The following EDIL3 variants were observed in gnomAD, a reference collection of about 807,000 sequenced individuals.
EDIL3 encodes EGF like and discoidin domains 3, also known as EGF-like repeat and discoidin I-like domain-containing protein 3.
A neutral mutation model predicts 67.4 loss-of-function variants in EDIL3; 37 were observed. The ratio of observed to expected loss-of-function variants is 0.55; its 90% CI spans 0.42 to 0.72. EDIL3 has a LOEUF of 0.72. Among genes scored for constraint, EDIL3 ranks in the 30% least tolerant of loss-of-function variants. The pLI, the probability that EDIL3 is intolerant of heterozygous loss-of-function variation, is 0.00. For missense variants in EDIL3, 527 were observed against 586.3 expected (o/e 0.90, Z 1.04); for synonymous variants, 195 against 196.3 (o/e 0.99, Z 0.05).
At chr5:84,047,425 T>C (rs1746243825) in intron 9 of EDIL3, among the ~76,000 whole-genome samples, 1 of 152,056 alleles carries the variant, frequency 6.6e-6, no homozygotes, top group African/African-American at 2.4e-5. Context: ...GTAGGGGCAA[T>C]ATTTTGAGTA....
chr5:83,953,153 A>G (rs1009151225), intron 10 of EDIL3, among the ~76,000 whole-genome samples: 3 of 151,826 alleles, frequency 2.0e-5, no homozygotes, highest in African/African-American at 7.2e-5. Context: ...GCTACAAGAC[A>G]TAGAAGATCT....
chr5:84,142,694 A>G (rs1748220495), intron 4 of EDIL3, among the ~76,000 whole-genome samples: 1 of 152,026 alleles, frequency 6.6e-6, no homozygotes, highest in African/African-American at 2.4e-5. Context: ...ATGTATTTCA[A>G]CCATAAATCT....
chr5:84,380,594 A>G (rs1326710259), intron 1 of EDIL3, among the ~76,000 whole-genome samples: 3 of 152,132 alleles, frequency 2.0e-5, no homozygotes, highest in African/African-American at 4.8e-5. Context: ...GCAGTAAACA[A>G]CAAATATCAG....
chr5:83,985,744 G>A (rs941057600), intron 9 of EDIL3, among the ~76,000 whole-genome samples: 1 of 151,132 alleles, frequency 6.6e-6, no homozygotes, highest in African/African-American at 2.4e-5. Flanking sequence ...ATTTTTAATA[G>A]GTAAAATATA....
intron 2 of EDIL3, among the ~76,000 whole-genome samples, chr5:84,230,916 TG>T (rs2112044471): frequency 6.6e-6 from 1 of 152,230 alleles, no homozygotes; most frequent in South Asian, 2.1e-4. Flanking sequence ...ACTTATGTTC[TG>T]CAACCCACAT....
intron 3 of EDIL3, among the ~76,000 whole-genome samples, chr5:84,196,472 C>T (rs945763933): frequency 2.6e-5 from 4 of 152,068 alleles, no homozygotes; most frequent in Admixed American, 2.0e-4. Context: ...GCTTTAACGC[C>T]TTCTAACATA....
chr5:84,281,920 G>T (rs1371033028), intron 1 of EDIL3, among the ~76,000 whole-genome samples: 1 of 123,078 alleles, frequency 8.1e-6, no homozygotes, highest in South Asian at 2.7e-4. Flanking sequence ...TGGAATAAAT[G>T]CAGTGGTGCG....
chr5:84,212,290 G>A (rs1423031873), intron 3 of EDIL3, among the ~76,000 whole-genome samples: 1 of 152,146 alleles, frequency 6.6e-6, no homozygotes, highest in African/African-American at 2.4e-5. Flanking sequence ...AAAAGACACA[G>A]ATAAAAGTGG....
At chr5:83,987,463 T>C (rs1745074616) in intron 9 of EDIL3, among the ~76,000 whole-genome samples, 1 of 152,172 alleles carries the variant, frequency 6.6e-6, no homozygotes, top group South Asian at 2.1e-4. Context: ...GTATGCTGAC[T>C]TTTTAATGTT....
intron 4 of EDIL3, among the ~76,000 whole-genome samples, chr5:84,165,642 A>G (rs181128690): frequency 3.7e-4 from 56 of 152,274 alleles, no homozygotes; most frequent in Middle Eastern, 3.4e-3. Context: ...CACTGTAAAC[A>G]ACAAATAATG....
intron 10 of EDIL3, among the ~76,000 whole-genome samples, chr5:83,960,031 A>G (rs775607797): frequency 2.0e-5 from 3 of 150,986 alleles, no homozygotes; most frequent in Admixed American, 6.6e-5. Context: ...TTTCCTTATG[A>G]TAATACTAAT....
chr5:84,077,135 A>C (rs1205157546), intron 6 of EDIL3, among the ~76,000 whole-genome samples: 5 of 152,224 alleles, frequency 3.3e-5, no homozygotes, highest in Non-Finnish European at 7.3e-5. Flanking sequence ...TACAATGATG[A>C]CTAGTATAGT....
chr5:84,009,560 A>C (rs909732888), intron 9 of EDIL3, among the ~76,000 whole-genome samples: 4 of 152,234 alleles, frequency 2.6e-5, no homozygotes, highest in Non-Finnish European at 5.9e-5. Flanking sequence ...ATTGTCAGGC[A>C]ATTAAACAAA....
intron 6 of EDIL3, among the ~76,000 whole-genome samples, chr5:84,093,949 T>G (rs1747214110): frequency 6.6e-6 from 1 of 152,118 alleles, no homozygotes; most frequent in Non-Finnish European, 1.5e-5. Context: ...TGGGCCACCA[T>G]GCCCAGTCCC....
chr5:84,363,445 TCA>T (rs1747657029), intron 1 of EDIL3, among the ~76,000 whole-genome samples: 1 of 131,062 alleles, frequency 7.6e-6, no homozygotes, highest in Non-Finnish European at 1.6e-5. Context: ...CAAGACTCTG[TCA>T]AAAAAAAAAA....
At chr5:84,075,617 A>G (rs1479891960) in intron 6 of EDIL3, among the ~76,000 whole-genome samples, 2 of 152,068 alleles carry the variant, frequency 1.3e-5, no homozygotes, top group Non-Finnish European at 2.9e-5. Flanking sequence ...CTGGGATTCC[A>G]GGCGTGTGCC....
At chr5:84,324,301 A>G (rs1042500531) in intron 1 of EDIL3, among the ~76,000 whole-genome samples, 1 of 151,926 alleles carries the variant, frequency 6.6e-6, no homozygotes, top group African/African-American at 2.4e-5. Flanking sequence ...AAAATTAAAC[A>G]ACATACTTTT....
chr5:84,155,561 C>T lies in EDIL3; in HGVS notation c.356-18207G>A, dbSNP rs139633298. On this transcript the variant is annotated intron_variant, in intron 4 of 10. Transcript: ENST00000296591. ...TTCCTGTGTTTTCTCTGGAATTAGTCCCGTGCTGAATATCTTAAATCCATT... is the reference window on the plus strand; with the variant it reads ...TTCCTGTGTTTTCTCTGGAATTAGTTCCGTGCTGAATATCTTAAATCCATT... Among the ~76,000 whole-genome samples the T allele has an allele frequency of 4.6e-3, 706 of 152,250 alleles. 3 individuals carry two copies. Among genetic ancestry groups the T allele is most frequent in the Admixed American group, 8.2e-3 (125 of 15,284 alleles).
intron 9 of EDIL3, among the ~76,000 whole-genome samples, chr5:83,998,078 G>T (rs1490702354): frequency 1.3e-5 from 2 of 152,114 alleles, no homozygotes; most frequent in African/African-American, 4.8e-5. Flanking sequence ...TTTAATTTAT[G>T]GAAAAGTCTA....
Sources: gnomAD v4.1 joint callset for allele counts (sites outside exome capture counted in the v4.1 genomes callset) on GRCh38, gnomAD v4.1.1 for gene constraint, MANE v1.5 for transcripts, NCBI Gene and HGNC (gene_info 2026-07-23, HGNC 2026-07-21) for gene names.